C11orf65: variants seen among roughly 807,000 people sequenced by gnomAD.
C11orf65 encodes the protein chromosome 11 open reading frame 65.
A neutral mutation model predicts 35.3 loss-of-function variants in C11orf65; 38 were observed. The observed-to-expected ratio is 1.08, with a 90% CI of 0.83 to 1.41. The LOEUF (loss-of-function observed/expected upper bound fraction) is 1.41. Among genes scored for constraint, C11orf65 ranks in the 40% most tolerant of loss-of-function variants. The probability of loss-of-function intolerance (pLI) is 0.00; values close to 1 mark genes in which losing one functional copy is unlikely to be tolerated. For missense variants in C11orf65, 370 were observed against 367.1 expected, an observed-to-expected ratio of 1.01 and a Z score of -0.06; for synonymous variants, 105 against 114.4, an observed-to-expected ratio of 0.92 and a Z score of 0.53.
At chr11:108,404,557 G>C (rs1429234940) in intron 6 of C11orf65, among the ~76,000 whole-genome samples, 1 of 150,458 alleles carries the variant, frequency 6.6e-6, no homozygotes, top group African/African-American at 2.4e-5. Context: ...ACAGGCGCCT[G>C]CCACCAAGCC....
chr11:108,329,303 A>G (rs2086014148), downstream of C11orf65: 1 of 1,400,472 alleles, frequency 7.1e-7, no homozygotes, highest in South Asian at 1.2e-5. Context: ...GTTTTTGCAT[A>G]GAAAGAGTGA....
chr11:108,320,722 T>A (rs2085140779), intron 6 of C11orf65, among the ~76,000 whole-genome samples: 1 of 152,178 alleles, frequency 6.6e-6, no homozygotes, highest in Admixed American at 6.5e-5. Context: ...TTACAGTTGA[T>A]CCTTGAACCA....
At chr11:108,406,366 G>A (rs1352350617) in intron 5 of C11orf65, among the ~76,000 whole-genome samples, 2 of 151,906 alleles carry the variant, frequency 1.3e-5, no homozygotes, top group South Asian at 2.1e-4. Flanking sequence ...TCACTCTGTC[G>A]CCCAGGCTGA....
intron 3 of C11orf65, among the ~76,000 whole-genome samples, chr11:108,423,074 C>A (rs888115646): frequency 6.6e-6 from 1 of 152,178 alleles, no homozygotes; most frequent in Non-Finnish European, 1.5e-5. Context: ...GCTTTTCGCA[C>A]GATCTTCCCA....
At chr11:108,452,630 G>A (rs565708312) in intron 2 of C11orf65, among the ~76,000 whole-genome samples, 2 of 152,230 alleles carry the variant, frequency 1.3e-5, no homozygotes, top group African/African-American at 4.8e-5. Flanking sequence ...TACCATTTGA[G>A]CCAGCCATCC....
intron 2 of C11orf65, among the ~76,000 whole-genome samples, chr11:108,458,082 C>T (rs953841591): frequency 2.1e-4 from 32 of 152,122 alleles, no homozygotes; most frequent in African/African-American, 7.2e-4. Flanking sequence ...GTACCATTTT[C>T]CTCCCATATA....
At chr11:108,345,935 T>G (rs56153531) in intron 2 of C11orf65, 102 of 1,612,336 alleles carry the variant, frequency 6.3e-5, no homozygotes, top group Admixed American at 1.0e-4. Context: ...TATAGTAGAT[T>G]GAGCACTTTG....
intron 6 of C11orf65, among the ~76,000 whole-genome samples, chr11:108,400,992 C>A (rs991611284): frequency 1.3e-5 from 2 of 152,018 alleles, no homozygotes; most frequent in Non-Finnish European, 2.9e-5. Flanking sequence ...GCCTGTTATC[C>A]CAGCTACTCG....
At chr11:108,353,942 A>G in intron 2 of C11orf65, 3 of 1,489,102 alleles carry the variant, frequency 2.0e-6, no homozygotes, top group Admixed American at 1.7e-5. Context: ...TGGGCTGGGC[A>G]TGGTTCTTTG....
At chr11:108,317,119 T>A (rs1322305883) in intron 6 of C11orf65, among the ~76,000 whole-genome samples, 1 of 127,568 alleles carries the variant, frequency 7.8e-6, no homozygotes, top group Non-Finnish European at 1.7e-5. Flanking sequence ...AAAAAAAAAA[T>A]TGTAGAGACA....
intron 6 of C11orf65, among the ~76,000 whole-genome samples, chr11:108,398,297 T>C (rs1246130960): frequency 6.6e-6 from 1 of 152,088 alleles, no homozygotes; most frequent in African/African-American, 2.4e-5. Flanking sequence ...ATTTTGGAAG[T>C]GGAATTAATA....
chr11:108,346,124 C>G (rs2088354313), intron 2 of C11orf65, among the ~76,000 whole-genome samples: 1 of 152,026 alleles, frequency 6.6e-6, no homozygotes, highest in South Asian at 2.1e-4. Flanking sequence ...AGAGAATTCT[C>G]CTACTTCAAT....
Position 108,331,441 on chromosome 11 carries a change from TAGAG to T in C11orf65, c.*105_*108del, listed in dbSNP as rs587781905. 9 of 1,612,790 alleles carry T rather than the reference TAGAG, an allele frequency of 5.6e-6. No individual in the cohort carries two copies. The highest frequency in any genetic ancestry group is 2.2e-5 in the South Asian group (2 of 90,960). On this transcript the variant is annotated 3_prime_UTR_variant, in exon 4 of 4. Coordinates refer to the C11orf65 transcript ENST00000524755. ...TAATTTTGTGTCTTTTTTTTAATGG[TAGAG>T]AGACGGAATGAAGATTCCAACATAT...
chr11:108,405,409 T>A lies in C11orf65; in HGVS notation c.560+20A>T, dbSNP rs760539563. 4 of 1,606,340 alleles carry A rather than the reference T, an allele frequency of 2.5e-6. No individual in the cohort carries two copies. Among genetic ancestry groups the A allele is most frequent in the African/African-American group, 1.3e-5 (1 of 74,350 alleles). ...CCCAAAATACTACGTATTTCCTTAG[T>A]AAGTGTTTCATCAACTTACATTTGC... On this transcript the variant is annotated intron_variant, in intron 6 of 8. Coordinates refer to ENST00000393084, the MANE Select transcript of C11orf65 (RefSeq NM_152587.5).
At chr11:108,468,449 A>C (rs2093560042), upstream of C11orf65, among the ~76,000 whole-genome samples, 1 of 152,238 alleles carries the variant, frequency 6.6e-6, no homozygotes, top group Non-Finnish European at 1.5e-5. Context: ...ATGTGAAAAA[A>C]TCTTGTTCAG....
At chr11:108,321,498 A>G (rs771809676) in intron 6 of C11orf65, 1 of 1,597,816 alleles carries the variant, frequency 6.3e-7, no homozygotes, top group Admixed American at 1.7e-5. Flanking sequence ...AATAAAAACT[A>G]TAGGCCGGGC....
intron 3 of C11orf65, 103 bp from the exon 4 acceptor site, chr11:108,407,252 C>A (rs2092558505): frequency 1.2e-6 from 1 of 848,226 alleles, no homozygotes; most frequent in Non-Finnish European, 1.7e-6. Context: ...TAAATATTGA[C>A]TATTTAGGAA....
downstream of C11orf65, chr11:108,330,517 T>C: frequency 1.6e-6 from 2 of 1,255,114 alleles, no homozygotes; most frequent in South Asian, 1.2e-5. Context: ...TTTGTATTCC[T>C]AGCACTTGGT....
At chr11:108,381,945 T>G (rs2091873930), downstream of C11orf65, among the ~76,000 whole-genome samples, 1 of 152,104 alleles carries the variant, frequency 6.6e-6, no homozygotes, top group Non-Finnish European at 1.5e-5. Context: ...GCTCTCTCTC[T>G]CTCTCTCTCT....
Sources: allele counts gnomAD v4.1 joint callset (sites outside exome capture counted in the v4.1 genomes callset), GRCh38; gene constraint gnomAD v4.1.1; transcripts MANE v1.5; gene names NCBI Gene and HGNC (gene_info 2026-07-23, HGNC 2026-07-21).